Variants in LRIF1 observed in about 807,000 individuals in gnomAD.
The protein encoded by LRIF1 is ligand-dependent nuclear receptor-interacting factor 1.
Under a neutral mutation model 52.7 loss-of-function variants are expected in LRIF1, and 32 were observed. The observed-to-expected ratio is 0.61, with a 90% CI of 0.46 to 0.82. The LOEUF is 0.82. Among genes scored for constraint, LRIF1 ranks in the 40% least tolerant of loss-of-function variants. The probability of loss-of-function intolerance (pLI) is 0.00; values close to 1 mark genes in which losing one functional copy is unlikely to be tolerated. For missense variants in LRIF1, 887 were observed against 892.0 expected (o/e 0.99, Z 0.07); for synonymous variants, 323 against 317.4 (o/e 1.02, Z -0.19).
chr1:110,875,738 CAG>C, the LRIF1 span, among the ~76,000 whole-genome samples: 241 of 152,248 alleles, frequency 1.6e-3, 2 homozygotes, highest in African/African-American at 5.5e-3. Context: ...CTATGCAGAG[CAG>C]GACTCCAGCA....
At chr1:110,945,264 AGAAT>A (rs1234414708), downstream of LRIF1, 9 of 152,354 alleles carry the variant, frequency 5.9e-5, no homozygotes, top group Admixed American at 1.3e-4. Flanking sequence ...TGACGCACAC[AGAAT>A]GATCAGAAAG....
the LRIF1 span, among the ~76,000 whole-genome samples, chr1:110,908,677 A>G: frequency 1.3e-5 from 2 of 152,170 alleles, no homozygotes; most frequent in African/African-American, 4.8e-5. Context: ...AATCAATACA[A>G]GCAGATAAAA....
At chr1:110,928,593 G>A in the LRIF1 span, among the ~76,000 whole-genome samples, 1 of 152,122 alleles carries the variant, frequency 6.6e-6, no homozygotes, top group Admixed American at 6.6e-5. Flanking sequence ...TATGAACAAT[G>A]ATAAGCGCTG....
At chr1:110,875,952 A>G in the LRIF1 span, among the ~76,000 whole-genome samples, 1 of 152,348 alleles carries the variant, frequency 6.6e-6, no homozygotes, top group Non-Finnish European at 1.5e-5. Context: ...TCATAAGCAC[A>G]CAGCAGAATT....
At chr1:110,956,274 G>A (rs897336704) in intron 1 of LRIF1, among the ~76,000 whole-genome samples, 2 of 152,126 alleles carry the variant, frequency 1.3e-5, no homozygotes, top group East Asian at 1.9e-4. Context: ...ATCTGTACTC[G>A]AGATTTTTCT....
intron 1 of LRIF1, among the ~76,000 whole-genome samples, chr1:110,953,874 C>T (rs1046206925): frequency 2.6e-5 from 4 of 152,040 alleles, no homozygotes; most frequent in African/African-American, 7.2e-5. Context: ...CTTGTCTTTC[C>T]TTCATAATTA....
At chr1:110,925,418 T>A in the LRIF1 span, among the ~76,000 whole-genome samples, 1 of 151,928 alleles carries the variant, frequency 6.6e-6, no homozygotes, top group Non-Finnish European at 1.5e-5. Flanking sequence ...AATCTTTCTC[T>A]CTCTCTCTCT....
chr1:110,947,166 C>G (rs1658232367), downstream of LRIF1: 1 of 151,870 alleles, frequency 6.6e-6, no homozygotes, highest in African/African-American at 2.4e-5. Flanking sequence ...TTTCCCAAAT[C>G]AAAGATTAAC....
At chr1:110,902,290 C>T in the LRIF1 span, among the ~76,000 whole-genome samples, 1 of 152,114 alleles carries the variant, frequency 6.6e-6, no homozygotes, top group Non-Finnish European at 1.5e-5. Context: ...GCTCTCCAGC[C>T]TTCCTCTTGC....
downstream of LRIF1, among the ~76,000 whole-genome samples, chr1:110,942,747 C>A (rs534033041): frequency 6.6e-6 from 1 of 152,136 alleles, no homozygotes; most frequent in African/African-American, 2.4e-5. Flanking sequence ...AACTAAGATA[C>A]AGAAGATCTT....
At chr1:110,958,618 T>C (rs1658818292) in intron 1 of LRIF1, among the ~76,000 whole-genome samples, 1 of 152,174 alleles carries the variant, frequency 6.6e-6, no homozygotes, top group Non-Finnish European at 1.5e-5. Context: ...TATTTTCCAA[T>C]CTGATCACTA....
the LRIF1 span, among the ~76,000 whole-genome samples, chr1:110,880,989 C>T: frequency 6.6e-6 from 1 of 152,130 alleles, no homozygotes; most frequent in Non-Finnish European, 1.5e-5. Flanking sequence ...AGCAAAGAAA[C>T]ACATTACCAA....
At chr1:110,945,962 A>G (rs1207633478), downstream of LRIF1, among the ~76,000 whole-genome samples, 1 of 152,222 alleles carries the variant, frequency 6.6e-6, no homozygotes, top group Non-Finnish European at 1.5e-5. Context: ...AGTTAAACAC[A>G]GTTATTGTAT....
the LRIF1 span, among the ~76,000 whole-genome samples, chr1:110,890,425 G>T: frequency 6.6e-6 from 1 of 152,100 alleles, no homozygotes; most frequent in African/African-American, 2.4e-5. Context: ...AAATTATCCG[G>T]GCATGATGGT....
chr1:110,894,086 G>A, the LRIF1 span, among the ~76,000 whole-genome samples: 1 of 152,242 alleles, frequency 6.6e-6, no homozygotes, highest in African/African-American at 2.4e-5. Flanking sequence ...TATGCATGTA[G>A]TGCTCTGATA....
chr1:110,886,867 A>ATTTTTT, the LRIF1 span, among the ~76,000 whole-genome samples: 24 of 41,368 alleles, frequency 5.8e-4, no homozygotes, highest in Non-Finnish European at 7.9e-4. Context: ...ATATATATAT[A>ATTTTTT]TATTTTTTTT....
the LRIF1 span, chr1:110,896,706 A>G: frequency 6.2e-7 from 1 of 1,613,610 alleles, no homozygotes; most frequent in Non-Finnish European, 8.5e-7. Flanking sequence ...GCCCACCAGC[A>G]TCTTGCCCCT....
chr1:110,917,232 C>G, the LRIF1 span, among the ~76,000 whole-genome samples: 1 of 152,180 alleles, frequency 6.6e-6, no homozygotes, highest in Non-Finnish European at 1.5e-5. Context: ...GCTCGTGTGT[C>G]CTCATAGATT....
chr1:110,917,987 G>A, the LRIF1 span, among the ~76,000 whole-genome samples: 2 of 152,026 alleles, frequency 1.3e-5, no homozygotes, highest in East Asian at 3.8e-4. Context: ...TTAATTCATT[G>A]ATAGATTAAA....
Sources: gnomAD v4.1 joint callset for allele counts (sites outside exome capture counted in the v4.1 genomes callset) on GRCh38, gnomAD v4.1.1 for gene constraint, MANE v1.5 for transcripts, NCBI Gene and HGNC (gene_info 2026-07-23, HGNC 2026-07-21) for gene names.